GRAMD1B: variants seen among roughly 807,000 people sequenced by gnomAD.
GRAMD1B encodes the protein GRAM domain containing 1B.
GRAMD1B carries 37 observed loss-of-function variants against 99.7 expected under a neutral mutation model. That is an observed-to-expected ratio of 0.37 (90% CI 0.29 to 0.49). The LOEUF (loss-of-function observed/expected upper bound fraction) is 0.49. GRAMD1B is among the 20% of genes least tolerant of loss of function. The pLI is 0.98. For missense variants in GRAMD1B, 888 were observed against 1,009.2 expected, an observed-to-expected ratio of 0.88 and a Z score of 1.63; for synonymous variants, 427 against 387.6, an observed-to-expected ratio of 1.10 and a Z score of -1.19.
At chr11:123,396,283 T>TTC (rs1338801167) in intron 1 of GRAMD1B, among the ~76,000 whole-genome samples, 1 of 149,638 alleles carries the variant, frequency 6.7e-6, no homozygotes, top group Non-Finnish European at 1.5e-5. Flanking sequence ...CTTCTTCTTC[T>TTC]TTTTTTTTTG....
upstream of GRAMD1B, among the ~76,000 whole-genome samples, chr11:123,426,984 A>C (rs1289291433): frequency 6.6e-6 from 1 of 152,194 alleles, no homozygotes; most frequent in African/African-American, 2.4e-5. Context: ...CTTTCATTTA[A>C]AGTCAGAGGC....
chr11:123,463,831 T>C (rs1204591727), intron 1 of GRAMD1B, among the ~76,000 whole-genome samples: 1 of 152,148 alleles, frequency 6.6e-6, no homozygotes, highest in Non-Finnish European at 1.5e-5. Flanking sequence ...CATGGGAGAT[T>C]TGGGGAGCAC....
intron 1 of GRAMD1B, among the ~76,000 whole-genome samples, chr11:123,406,269 T>G (rs1039507288): frequency 3.3e-5 from 5 of 151,532 alleles, no homozygotes; most frequent in African/African-American, 1.2e-4. Flanking sequence ...CTTTTTTTTT[T>G]TTGAGACGGA....
Position 123,587,597 on chromosome 11 carries a change from C to G in GRAMD1B, c.684+3265C>G, listed in dbSNP as rs910843129. On this transcript the variant is annotated intron_variant, in intron 4 of 19. Coordinates refer to ENST00000635736, the MANE Select transcript of GRAMD1B (RefSeq NM_001387025.1). The surrounding 1 kb of genome is among the most constrained non-coding windows in gnomAD (Gnocchi z 4.2). ...GGGGTTTCCTTCCTTGGCCTCCTGG[C>G]GCATTCCTGCGGGCAGTCTTCTCCA... 6.6e-6 allele frequency among the ~76,000 whole-genome samples: 1 copy of G among 152,184 alleles called. No individual in the cohort carries two copies. Among genetic ancestry groups the G allele is most frequent in the Non-Finnish European group, 1.5e-5 (1 of 68,032 alleles).
intron 1 of GRAMD1B, among the ~76,000 whole-genome samples, chr11:123,453,902 G>C (rs1009840017): frequency 1.3e-5 from 2 of 152,180 alleles, no homozygotes; most frequent in African/African-American, 2.4e-5. Flanking sequence ...GGGTGATCAG[G>C]GACAGCTAAG....
At chr11:123,459,623 A>G (rs1192291602) in intron 1 of GRAMD1B, 1 of 152,092 alleles carries the variant, frequency 6.6e-6, no homozygotes, top group Non-Finnish European at 1.5e-5. Flanking sequence ...GAAGAATATT[A>G]TTTTCTTCAA....
At position 123,613,586 on chromosome 11, in the gene GRAMD1B, C is replaced by G. The variant is rs1179975438; in HGVS notation, c.2155C>G (p.Leu719Val). 9 of 1,613,752 alleles carry G rather than the reference C, an allele frequency of 5.6e-6. No homozygotes were observed. The highest frequency in any genetic ancestry group is 7.6e-6 in the Non-Finnish European group (9 of 1,179,848). Residue 719 changes from leucine to valine, a missense_variant, in exon 16 of 20, where the codon CTG becomes GTG. Leu to Val is a conservative substitution (Grantham distance 32). Coordinates refer to ENST00000635736, the MANE Select transcript of GRAMD1B (RefSeq NM_001387025.1). ...RPHAHLRVPHLEEVMSPVTTP... is the reference protein window; with the variant it reads ...RPHAHLRVPHVEEVMSPVTTP... ...CCATGCCCACCTGCGAGTCCCTCAC[C>G]TGGAAGAGGTGATGAGCCCGGTCAC...
intron 1 of GRAMD1B, among the ~76,000 whole-genome samples, chr11:123,370,389 G>A (rs1461909955): frequency 7.1e-6 from 1 of 140,900 alleles, no homozygotes; most frequent in East Asian, 2.0e-4. Context: ...CGCCCAGGCT[G>A]GAGTGCAGTG....
chr11:123,551,388 A>T (rs1450919457), intron 2 of GRAMD1B, among the ~76,000 whole-genome samples: 1 of 152,174 alleles, frequency 6.6e-6, no homozygotes, highest in Non-Finnish European at 1.5e-5. Flanking sequence ...CGAAACCTCT[A>T]CACTACATGG....
intron 1 of GRAMD1B, among the ~76,000 whole-genome samples, chr11:123,380,851 GGA>G (rs1946848068): frequency 1.3e-5 from 2 of 152,134 alleles, no homozygotes; most frequent in Admixed American, 6.5e-5. Context: ...TTCTGGGACT[GGA>G]GACAGTTTGG....
chr11:123,473,100 T>C (rs1951094585), intron 1 of GRAMD1B, among the ~76,000 whole-genome samples: 1 of 145,788 alleles, frequency 6.9e-6, no homozygotes. Context: ...GTCTCGCTCT[T>C]GTCCCCCAGG....
intron 1 of GRAMD1B, among the ~76,000 whole-genome samples, chr11:123,464,388 C>T (rs929425669): frequency 2.6e-5 from 4 of 152,144 alleles, no homozygotes; most frequent in Admixed American, 6.5e-5. Context: ...CACTTGTAGA[C>T]GCCGATTGTG....
chr11:123,597,712 G>A (rs1565438887), intron 7 of GRAMD1B, among the ~76,000 whole-genome samples: 1 of 152,132 alleles, frequency 6.6e-6, no homozygotes, highest in Non-Finnish European at 1.5e-5. Flanking sequence ...CATAACCCTG[G>A]GCTTCAGAAC....
At position 123,398,826 on chromosome 11, in the gene GRAMD1B, GA is replaced by G. The variant is rs1947558005; in HGVS notation, c.-176+40029del. On this transcript the variant is annotated intron_variant, in intron 1 of 20. Transcript: ENST00000638157. Reference sequence around the variant, plus strand: ...AATGTATACAACTCAATGAGTTTAGGAATAAGTATACATCTGTGAAATCATC... The same window carrying G: ...AATGTATACAACTCAATGAGTTTAGGATAAGTATACATCTGTGAAATCATC... 2.6e-5 allele frequency among the ~76,000 whole-genome samples: 4 copies of G among 152,162 alleles called. No homozygotes were observed. In the South Asian group the frequency reaches 8.3e-4, roughly 32 times the overall value.
chr11:123,536,233 G>C (rs943462373), intron 2 of GRAMD1B, among the ~76,000 whole-genome samples: 7 of 152,074 alleles, frequency 4.6e-5, no homozygotes, highest in Admixed American at 1.3e-4. Context: ...TGGCCAACAT[G>C]GTGAAACCCC....
At chr11:123,582,811 C>T (rs1233285223) in intron 3 of GRAMD1B, among the ~76,000 whole-genome samples, 1 of 152,224 alleles carries the variant, frequency 6.6e-6, no homozygotes, top group Non-Finnish European at 1.5e-5. Flanking sequence ...AGCAGACATT[C>T]GAGGACCATG....
intron 17 of GRAMD1B, among the ~76,000 whole-genome samples, chr11:123,617,950 G>T (rs993754201): frequency 6.6e-6 from 1 of 152,180 alleles, no homozygotes; most frequent in Non-Finnish European, 1.5e-5. Context: ...CAGCCTGTCT[G>T]CATGATCCCT....
At chr11:123,417,270 G>A (rs980789065) in intron 1 of GRAMD1B, among the ~76,000 whole-genome samples, 1 of 152,196 alleles carries the variant, frequency 6.6e-6, no homozygotes, top group Admixed American at 6.5e-5. Context: ...CTACTCAGGG[G>A]ACTGAGGCAG....
intron 17 of GRAMD1B, among the ~76,000 whole-genome samples, chr11:123,616,102 T>C (rs1954342304): frequency 6.6e-6 from 1 of 152,122 alleles, no homozygotes; most frequent in South Asian, 2.1e-4. Context: ...GGCAGGCGGA[T>C]CATGAGGTCA....
Sources: gnomAD v4.1 joint callset for allele counts (sites outside exome capture counted in the v4.1 genomes callset) on GRCh38, gnomAD v4.1.1 for gene constraint, Gnocchi (gnomAD v3.1) non-coding constraint, MANE v1.5 for transcripts, NCBI Gene and HGNC (gene_info 2026-07-23, HGNC 2026-07-21) for gene names.